The following DBT variants were observed in gnomAD, a reference collection of about 807,000 sequenced individuals.
The protein encoded by DBT is lipoamide acyltransferase component of branched-chain alpha-keto acid dehydrogenase complex, mitochondrial.
In DBT, 40 loss-of-function variants were observed where a neutral mutation model predicts 51.3. The observed-to-expected ratio is 0.78, with a 90% CI of 0.61 to 1.02. The LOEUF is 1.02. Ranked by LOEUF, DBT falls within the 50% of genes least tolerant of loss-of-function variation. The probability of loss-of-function intolerance (pLI) is 0.00; values close to 1 mark genes in which losing one functional copy is unlikely to be tolerated. For synonymous variants in DBT, 181 were observed against 190.4 expected (o/e 0.95, Z 0.41); for missense variants, 510 against 580.2 (o/e 0.88, Z 1.24).
At chr1:100,238,156 C>A (rs1318437673) in intron 2 of DBT, among the ~76,000 whole-genome samples, 1 of 18,526 alleles carries the variant, frequency 5.4e-5, no homozygotes, top group Admixed American at 1.1e-3. Context: ...TTCCTTCTTT[C>A]CCTCCTTCCT....
At chr1:100,249,034 T>A in intron 1 of DBT, 1 of 899,586 alleles carries the variant, frequency 1.1e-6, no homozygotes, top group Non-Finnish European at 1.3e-6. Context: ...CACTGGTACA[T>A]AGCAGGCTCT....
In DBT at chr1:100,225,052, TACACAC is replaced by T. The variant is rs71084808; in HGVS notation, c.433+5675_433+5680del. On this transcript the variant is annotated intron_variant, in intron 4 of 10. Transcript: ENST00000370132. ...AAAAAAAAAAAAAAAAATATATATATACACACACACACACACACACACACACACACA... is the reference window on the plus strand; with the variant it reads ...AAAAAAAAAAAAAAAAATATATATATACACACACACACACACACACACACA... Among the ~76,000 whole-genome samples the T allele has an allele frequency of 4.2e-3, 334 of 78,946 alleles. 35 individuals are homozygous for T. Among genetic ancestry groups the T allele is most frequent in the African/African-American group, 5.9e-3 (117 of 19,912 alleles). The allele number at this position is 78,946 out of a possible 152,430, so 51.8% of individuals were successfully genotyped here.
chr1:100,205,349 A>G (rs1426955583), intron 10 of DBT, among the ~76,000 whole-genome samples: 1 of 152,240 alleles, frequency 6.6e-6, no homozygotes, highest in African/African-American at 2.4e-5. Flanking sequence ...CAAACATATG[A>G]AAAAAAGCCC....
chr1:100,218,505 A>G, intron 5 of DBT, 121 bp downstream of exon 5: 1 of 1,148,526 alleles, frequency 8.7e-7, no homozygotes, highest in Admixed American at 1.9e-5. Context: ...TCAGTAGCAA[A>G]TATCTTCATG....
At chr1:100,236,705 C>T (rs1663889252) in intron 2 of DBT, among the ~76,000 whole-genome samples, 1 of 151,926 alleles carries the variant, frequency 6.6e-6, no homozygotes, top group African/African-American at 2.4e-5. Flanking sequence ...ATTCCACTTG[C>T]TAAAAAATGG....
At chr1:100,243,995 G>A (rs552415362) in intron 1 of DBT, among the ~76,000 whole-genome samples, 1 of 148,180 alleles carries the variant, frequency 6.7e-6, no homozygotes, top group South Asian at 2.2e-4. Flanking sequence ...TAAGCAGGCC[G>A]GGCACAGTGG....
In DBT at chr1:100,210,340, GAAGAAGAAT is replaced by G. The variant is rs1197157518; in HGVS notation, c.1017+345_1017+353del. 4.3e-4 allele frequency among the ~76,000 whole-genome samples: 63 copies of G among 147,200 alleles called. No individual in the cohort carries two copies. The East Asian group carries it at 0.011, about 26-fold the overall frequency. Reference sequence around the variant, plus strand: ...ATAATAATAATAAGAAGAAGAAGAAGAAGAAGAATAAGAATAATAATATTAAAATTCCAG... The same window carrying G: ...ATAATAATAATAAGAAGAAGAAGAAGAAGAATAATAATATTAAAATTCCAG... On this transcript the variant is annotated intron_variant, in intron 8 of 10. Transcript: ENST00000370132.
chr1:100,201,345 G>A (rs570278640), intron 10 of DBT, among the ~76,000 whole-genome samples: 2 of 152,016 alleles, frequency 1.3e-5, no homozygotes, highest in East Asian at 3.9e-4. Flanking sequence ...ATGAAGACAA[G>A]ATTAGAGAAA....
At chr1:100,203,802 C>T (rs1177790281) in intron 10 of DBT, among the ~76,000 whole-genome samples, 1 of 152,166 alleles carries the variant, frequency 6.6e-6, no homozygotes, top group Non-Finnish European at 1.5e-5. Flanking sequence ...TCAACATGTG[C>T]AAATCAATAA....
In DBT at chr1:100,201,812, A is replaced by G. The variant is rs1042388688; in HGVS notation, c.1281+4418T>C. Among the ~76,000 whole-genome samples the G allele has an allele frequency of 1.1e-4, 16 of 152,328 alleles. No individual in the cohort carries two copies. The East Asian group carries it at 2.9e-3, about 28-fold the overall frequency. ...TTCATATCCAGCTAAACTAAGCTTC[A>G]TAAGTGGAGGAGAAATAAAATCCTT... On this transcript the variant is annotated intron_variant, in intron 10 of 10. Transcript: ENST00000370132.
At chr1:100,236,659 A>T (rs1171811474) in intron 2 of DBT, among the ~76,000 whole-genome samples, 1 of 152,254 alleles carries the variant, frequency 6.6e-6, no homozygotes, top group Non-Finnish European at 1.5e-5. Flanking sequence ...ATTTAAAAAA[A>T]TTTTTTTTAA....
intron 10 of DBT, among the ~76,000 whole-genome samples, chr1:100,204,887 A>G (rs1322184421): frequency 6.6e-6 from 1 of 152,224 alleles, no homozygotes; most frequent in Non-Finnish European, 1.5e-5. Context: ...TGGTGTTGGG[A>G]CAACTGGCTA....
intron 4 of DBT, among the ~76,000 whole-genome samples, chr1:100,223,779 T>C (rs1037491083): frequency 6.6e-6 from 1 of 152,114 alleles, no homozygotes; most frequent in Non-Finnish European, 1.5e-5. Context: ...AAACCACATT[T>C]ACAGTAGACA....
In DBT at chr1:100,191,747, TATACACACACACACACAC is replaced by T. The variant is rs1165232620; in HGVS notation, c.*4490_*4507del. On this transcript the variant is annotated 3_prime_UTR_variant, in exon 11 of 11. Coordinates refer to ENST00000370132, the MANE Select transcript of DBT (RefSeq NM_001918.5). ...GTGTGTGTATATATATGTGTGTGTG[TATACACACACACACACAC>T]ACACACACACACACACACACACACA... 14 of 146,528 alleles carry T rather than the reference TATACACACACACACACAC, an allele frequency of 9.6e-5. No individual in the cohort carries two copies. Among genetic ancestry groups the T allele is most frequent in the African/African-American group, 2.1e-4 (8 of 38,722 alleles). The allele number at this position is 146,528 out of a possible 1,614,324, so 9.1% of individuals were successfully genotyped here. A position where few individuals can be genotyped will look rare whatever the true frequency, so the allele number is the denominator to read the frequency against.
chr1:100,192,482 G>C lies in DBT; in HGVS notation c.*3773C>G, dbSNP rs1030328904. 2.6e-5 allele frequency: 4 copies of C among 152,274 alleles called. No homozygotes were observed. The highest frequency in any genetic ancestry group is 1.9e-4 in the East Asian group (1 of 5,184). 9.4% of individuals were successfully genotyped at this position (152,274 alleles called of 1,614,324 possible). On this transcript the variant is annotated 3_prime_UTR_variant, in exon 11 of 11. Transcript: ENST00000370132. ...AAACATTTGTATTCTTGGTACTGTA[G>C]GGCAGTGCTGAGCCCTGTCATTTCT... is the stretch of plus-strand genomic sequence containing the variant.
Position 100,206,553 on chromosome 1 carries a change from T to C in DBT, c.1101A>G (p.Ile367Met), listed in dbSNP as rs746788849. The C allele has an allele frequency of 6.2e-6, 10 of 1,611,896 alleles. No homozygotes were observed. The South Asian group carries it at 8.8e-5, about 14-fold the overall frequency. Reference sequence around the variant, plus strand: ...GGTTCAGTTCAGTGGCGATGTCAAATATAGAGCAGATCTGAACATTTTTCA... The same window carrying C: ...GGTTCAGTTCAGTGGCGATGTCAAACATAGAGCAGATCTGAACATTTTTCA... ...PNVKNVQICS[I>M]FDIATELNRL... Residue 367 changes from isoleucine to methionine, a missense_variant, in exon 9 of 11, where the codon ATA becomes ATG. By Grantham distance (10) the Ile-to-Met change is conservative (BLOSUM62 1). Coordinates refer to ENST00000370132, the MANE Select transcript of DBT (RefSeq NM_001918.5).
intron 3 of DBT, among the ~76,000 whole-genome samples, chr1:100,231,231 C>G (rs1472943197): frequency 1.3e-5 from 2 of 152,146 alleles, no homozygotes; most frequent in Non-Finnish European, 2.9e-5. Context: ...AGTGGTATTT[C>G]CTTCTATTGT....
intron 10 of DBT, among the ~76,000 whole-genome samples, chr1:100,204,034 A>C (rs1313519884): frequency 6.6e-6 from 1 of 152,198 alleles, no homozygotes; most frequent in African/African-American, 2.4e-5. Context: ...CCCTCTGAAA[A>C]CTGGCACAAG....
Position 100,243,173 on chromosome 1 carries a change from A to G in DBT, c.52-2289T>C, listed in dbSNP as rs554487770. 3.3e-5 allele frequency among the ~76,000 whole-genome samples: 5 copies of G among 150,724 alleles called. No individual in the cohort carries two copies. In the South Asian group the frequency reaches 1.1e-3, roughly 32 times the overall value. ...GCTACTTGGGAGGCTGAGGCACAAG[A>G]ATCACTTGAACCTGGGAGGCGGAGG... On this transcript the variant is annotated intron_variant, in intron 1 of 10. Coordinates refer to ENST00000370132, the MANE Select transcript of DBT (RefSeq NM_001918.5).
Sources: gnomAD v4.1 joint callset for allele counts (sites outside exome capture counted in the v4.1 genomes callset) on GRCh38, gnomAD v4.1.1 for gene constraint, MANE v1.5 for transcripts, NCBI Gene and HGNC (gene_info 2026-07-23, HGNC 2026-07-21) for gene names.